NCALD: variants seen among roughly 807,000 people sequenced by gnomAD.
NCALD encodes the protein neurocalcin delta, also known as neurocalcin-delta.
A neutral mutation model predicts 18.6 loss-of-function variants in NCALD; 10 were observed. The ratio of observed to expected loss-of-function variants is 0.54; its 90% CI spans 0.33 to 0.91. The LOEUF is 0.91. NCALD is among the 40% of genes least tolerant of loss of function. The pLI is 0.03. For synonymous variants in NCALD, 88 were observed against 87.4 expected, an observed-to-expected ratio of 1.01 and a Z score of -0.04; for missense variants, 184 against 247.6, an observed-to-expected ratio of 0.74 and a Z score of 1.72.
intron 1 of NCALD, among the ~76,000 whole-genome samples, chr8:102,027,293 G>A (rs1160696530): frequency 6.6e-6 from 1 of 152,164 alleles, no homozygotes; most frequent in Admixed American, 6.5e-5. Flanking sequence ...TTTATGATCT[G>A]TTTCCTCTGG....
intron 1 of NCALD, among the ~76,000 whole-genome samples, chr8:101,737,229 A>G (rs1055262454): frequency 1.3e-5 from 2 of 152,034 alleles, no homozygotes; most frequent in Non-Finnish European, 2.9e-5. Context: ...GACAACTGGC[A>G]TGCACCACCA....
At chr8:101,732,349 A>C (rs1816870072) in intron 1 of NCALD, among the ~76,000 whole-genome samples, 1 of 152,196 alleles carries the variant, frequency 6.6e-6, no homozygotes, top group Admixed American at 6.5e-5. Context: ...GGAGGAGCTC[A>C]AGTCCCCATT....
chr8:101,862,513 T>C (rs1815586395), intron 4 of NCALD, among the ~76,000 whole-genome samples: 1 of 152,224 alleles, frequency 6.6e-6, no homozygotes, highest in South Asian at 2.1e-4. Flanking sequence ...GCTATGCTTT[T>C]TTCTAATAGC....
intron 1 of NCALD, among the ~76,000 whole-genome samples, chr8:102,116,567 C>A (rs1343612496): frequency 6.6e-6 from 1 of 152,180 alleles, no homozygotes; most frequent in Non-Finnish European, 1.5e-5. Flanking sequence ...ACTGCCGCCT[C>A]CACCTCCCGG....
At chr8:101,828,593 A>C (rs1224258885) in intron 4 of NCALD, among the ~76,000 whole-genome samples, 1 of 149,478 alleles carries the variant, frequency 6.7e-6, no homozygotes, top group Admixed American at 6.7e-5. Context: ...TTATCACCAC[A>C]AACTTATATA....
At chr8:102,010,455 T>C (rs893683050) in intron 2 of NCALD, among the ~76,000 whole-genome samples, 1 of 152,234 alleles carries the variant, frequency 6.6e-6, no homozygotes, top group Admixed American at 6.5e-5. Context: ...GTTTTTTAAT[T>C]AAAATTTTAT....
At chr8:101,989,687 C>T (rs1820968451) in intron 2 of NCALD, among the ~76,000 whole-genome samples, 1 of 152,166 alleles carries the variant, frequency 6.6e-6, no homozygotes. Flanking sequence ...GTTCTGCTGA[C>T]TCACTTGCTT....
chr8:101,975,727 T>C (rs1397944932), intron 2 of NCALD, among the ~76,000 whole-genome samples: 1 of 152,236 alleles, frequency 6.6e-6, no homozygotes, highest in East Asian at 1.9e-4. Context: ...AGCTCTCACA[T>C]AAATGTCCTT....
At chr8:101,895,040 G>C (rs1817099443) in intron 3 of NCALD, among the ~76,000 whole-genome samples, 1 of 150,116 alleles carries the variant, frequency 6.7e-6, no homozygotes, top group African/African-American at 2.5e-5. Context: ...TGATACCAAA[G>C]CCGGGCAGAG....
intron 1 of NCALD, among the ~76,000 whole-genome samples, chr8:102,067,842 T>C (rs1824058115): frequency 6.6e-6 from 1 of 152,190 alleles, no homozygotes; most frequent in South Asian, 2.1e-4. Flanking sequence ...TCCCCTGTCG[T>C]ATTCTCCCAA....
At chr8:101,773,590 G>A (rs1419835969) in intron 1 of NCALD, among the ~76,000 whole-genome samples, 3 of 152,036 alleles carry the variant, frequency 2.0e-5, no homozygotes, top group Non-Finnish European at 2.9e-5. Context: ...CTTTTTCCCC[G>A]CCTAATTCAA....
chr8:101,724,073 G>C (rs559838372), intron 1 of NCALD, among the ~76,000 whole-genome samples: 1 of 152,316 alleles, frequency 6.6e-6, no homozygotes, highest in South Asian at 2.1e-4. Flanking sequence ...ACGTATATGT[G>C]ACTTTCAGAC....
chr8:102,047,256 C>G (rs201317208), intron 1 of NCALD, among the ~76,000 whole-genome samples: 1 of 152,254 alleles, frequency 6.6e-6, no homozygotes, highest in Non-Finnish European at 1.5e-5. Flanking sequence ...CATTGCAGCA[C>G]TAGCCATAAT....
chr8:101,757,117 A>C (rs1479773226), intron 1 of NCALD, among the ~76,000 whole-genome samples: 1 of 152,146 alleles, frequency 6.6e-6, no homozygotes, highest in African/African-American at 2.4e-5. Context: ...TTCCATGTCA[A>C]TATTTACACA....
At chr8:101,899,150 T>C (rs1447357286) in intron 3 of NCALD, among the ~76,000 whole-genome samples, 6 of 152,054 alleles carry the variant, frequency 3.9e-5, no homozygotes, top group Non-Finnish European at 8.8e-5. Flanking sequence ...TTTTTGAGAT[T>C]GTAAATGATA....
intron 2 of NCALD, among the ~76,000 whole-genome samples, chr8:101,711,882 C>T (rs1295524013): frequency 6.6e-6 from 1 of 152,110 alleles, no homozygotes; most frequent in Non-Finnish European, 1.5e-5. Context: ...CCCAACCTAG[C>T]AAGACAGGCC....
intron 1 of NCALD, among the ~76,000 whole-genome samples, chr8:102,042,156 A>G (rs1446357716): frequency 1.3e-5 from 2 of 152,092 alleles, no homozygotes; most frequent in East Asian, 3.9e-4. Flanking sequence ...AAATTTTTAT[A>G]TCTCAGTTTA....
intron 3 of NCALD, among the ~76,000 whole-genome samples, chr8:101,898,391 A>T (rs1360169940): frequency 6.6e-6 from 1 of 151,494 alleles, no homozygotes; most frequent in African/African-American, 2.4e-5. Flanking sequence ...TGTTTTTTTA[A>T]AAAAATGTTG....
At chr8:102,080,930 A>C (rs569106395) in intron 1 of NCALD, among the ~76,000 whole-genome samples, 1 of 152,228 alleles carries the variant, frequency 6.6e-6, no homozygotes, top group Non-Finnish European at 1.5e-5. Flanking sequence ...ATGCCAAATA[A>C]GGTTTGAAGG....
Sources: allele counts gnomAD v4.1 joint callset (sites outside exome capture counted in the v4.1 genomes callset), GRCh38; gene constraint gnomAD v4.1.1; transcripts MANE v1.5; gene names NCBI Gene and HGNC (gene_info 2026-07-23, HGNC 2026-07-21).